The following SLC14A2 variants were observed in gnomAD, a reference collection of about 807,000 sequenced individuals.
The protein encoded by SLC14A2 is urea transporter 2.
Under a neutral mutation model 104.6 loss-of-function variants are expected in SLC14A2, and 91 were observed. That is an observed-to-expected ratio of 0.87 (90% confidence interval 0.73 to 1.04). The LOEUF (loss-of-function observed/expected upper bound fraction) is 1.04, where lower values mean the gene tolerates loss of function less well. Among genes scored for constraint, SLC14A2 ranks in the 50% least tolerant of loss-of-function variants. SLC14A2 has a pLI of 0.00. For missense variants in SLC14A2, 1,189 were observed against 1,156.0 expected (o/e 1.03, Z -0.41); for synonymous variants, 476 against 466.4 (o/e 1.02, Z -0.27).
intron 2 of SLC14A2, among the ~76,000 whole-genome samples, chr18:45,533,110 T>C (rs1412498257): frequency 5.9e-5 from 9 of 151,324 alleles, no homozygotes; most frequent in African/African-American, 9.7e-5. Context: ...CAGTATTTTA[T>C]TGAGGATTTT....
At chr18:45,187,030 A>G in the SLC14A2 span, among the ~76,000 whole-genome samples, 1 of 152,158 alleles carries the variant, frequency 6.6e-6, no homozygotes, top group African/African-American at 2.4e-5. Context: ...AAGCCATTAG[A>G]TGGTTTTCAG....
chr18:45,589,394 G>A (rs1192050842), intron 2 of SLC14A2, among the ~76,000 whole-genome samples: 1 of 152,030 alleles, frequency 6.6e-6, no homozygotes, highest in Non-Finnish European at 1.5e-5. Context: ...CACACACAAG[G>A]GCCCTTTGTT....
chr18:45,617,163 G>C (rs2045086590), intron 1 of SLC14A2, among the ~76,000 whole-genome samples: 1 of 152,154 alleles, frequency 6.6e-6, no homozygotes, highest in African/African-American at 2.4e-5. Context: ...CCAAACACAA[G>C]CTAAGGAGGA....
chr18:45,434,209 T>C (rs1476079568), intron 1 of SLC14A2, among the ~76,000 whole-genome samples: 1 of 152,086 alleles, frequency 6.6e-6, no homozygotes, highest in Non-Finnish European at 1.5e-5. Flanking sequence ...CACCATATTT[T>C]CCCTTCCTTT....
At chr18:45,384,434 T>C (rs1407242759) in intron 1 of SLC14A2, among the ~76,000 whole-genome samples, 1 of 152,238 alleles carries the variant, frequency 6.6e-6, no homozygotes, top group East Asian at 1.9e-4. Flanking sequence ...GGCTCTAAGA[T>C]TTTCTTTGTT....
chr18:45,572,444 G>A (rs1338820186), intron 2 of SLC14A2, among the ~76,000 whole-genome samples: 1 of 152,102 alleles, frequency 6.6e-6, no homozygotes, highest in Non-Finnish European at 1.5e-5. Flanking sequence ...TCTTTTCCAA[G>A]TTATCTTCCA....
chr18:45,548,672 C>T (rs2044009684), intron 2 of SLC14A2, among the ~76,000 whole-genome samples: 1 of 152,326 alleles, frequency 6.6e-6, no homozygotes, highest in South Asian at 2.1e-4. Flanking sequence ...CCACTGCACT[C>T]CAGCCTGGGC....
At chr18:45,324,075 C>A (rs970355724) in intron 1 of SLC14A2, among the ~76,000 whole-genome samples, 1 of 152,134 alleles carries the variant, frequency 6.6e-6, no homozygotes, top group African/African-American at 2.4e-5. Flanking sequence ...GGGGTATATG[C>A]CCATCTATTA....
intron 1 of SLC14A2, among the ~76,000 whole-genome samples, chr18:45,425,332 T>C (rs1013931950): frequency 1.3e-5 from 2 of 152,216 alleles, no homozygotes; most frequent in African/African-American, 4.8e-5. Flanking sequence ...TAACAACATT[T>C]GATGAGGGCA....
chr18:45,428,588 G>T (rs1568197994), intron 1 of SLC14A2, among the ~76,000 whole-genome samples: 1 of 152,096 alleles, frequency 6.6e-6, no homozygotes, highest in East Asian at 1.9e-4. Context: ...GCACCCCCAG[G>T]GCACATACCC....
At chr18:45,677,442 G>GC (rs1219440249) in intron 18 of SLC14A2, among the ~76,000 whole-genome samples, 1 of 152,128 alleles carries the variant, frequency 6.6e-6, no homozygotes, top group African/African-American at 2.4e-5. Flanking sequence ...CTGATTAAGA[G>GC]CCCACTCCCA....
chr18:45,421,328 C>T (rs1370040651), intron 1 of SLC14A2, among the ~76,000 whole-genome samples: 1 of 150,928 alleles, frequency 6.6e-6, no homozygotes, highest in Non-Finnish European at 1.5e-5. Context: ...TTTGTCAAAT[C>T]AACAACCCTC....
At chr18:45,422,913 G>A (rs1050389527) in intron 1 of SLC14A2, among the ~76,000 whole-genome samples, 9 of 152,062 alleles carry the variant, frequency 5.9e-5, no homozygotes, top group South Asian at 2.1e-4. Context: ...GGCTTAGCCC[G>A]GCTCCCTCAG....
At chr18:45,347,012 C>G (rs73429975) in intron 1 of SLC14A2, among the ~76,000 whole-genome samples, 2 of 123,388 alleles carry the variant, frequency 1.6e-5, no homozygotes, top group South Asian at 5.3e-4. Flanking sequence ...AATAAATAAA[C>G]AAACAAACAA....
rs560105461 is a variant in SLC14A2 at position 45,318,786 on chromosome 18, T to TA, written c.-125+105611dup. Among the ~76,000 whole-genome samples, 663 of 135,922 alleles carry TA rather than the reference T, an allele frequency of 4.9e-3. 6 individuals carry two copies. Among genetic ancestry groups the TA allele is most frequent in the African/African-American group, 0.014 (499 of 36,784 alleles). 89.2% of individuals were successfully genotyped at this position (135,922 alleles called of 152,430 possible). A position where few individuals can be genotyped will look rare whatever the true frequency, so the allele number is the denominator to read the frequency against. ...TGGGCAACAAGAGCAAAACTCTGTC[T>TA]AAAAAAAAAAAAAAAATTCGCAGGT... On this transcript the variant is annotated intron_variant, in intron 1 of 20. Transcript: ENST00000586448.
chr18:45,415,733 G>C (rs1598777922), intron 1 of SLC14A2, among the ~76,000 whole-genome samples: 1 of 152,060 alleles, frequency 6.6e-6, no homozygotes, highest in South Asian at 2.1e-4. Flanking sequence ...ATTTCTAATG[G>C]GGCTGAGTGG....
At chr18:45,497,278 CATTCAACAGTTA>C (rs2144748580) in intron 2 of SLC14A2, among the ~76,000 whole-genome samples, 1 of 152,316 alleles carries the variant, frequency 6.6e-6, no homozygotes, top group East Asian at 1.9e-4. Flanking sequence ...TAGCCACAGT[CATTCAACAGTTA>C]ATTCAACAAC....
chr18:45,675,719 T>A (rs1368182482), intron 18 of SLC14A2, among the ~76,000 whole-genome samples: 16 of 119,022 alleles, frequency 1.3e-4, no homozygotes, highest in Middle Eastern at 4.0e-3. Context: ...ATTTTTTTTT[T>A]TTTTTTTTTT....
At chr18:45,337,313 G>A (rs533863137) in intron 1 of SLC14A2, among the ~76,000 whole-genome samples, 1 of 152,300 alleles carries the variant, frequency 6.6e-6, no homozygotes, top group African/African-American at 2.4e-5. Context: ...GATACTGGTT[G>A]CCTCAGAAGT....
Sources: gnomAD v4.1 joint callset for allele counts (sites outside exome capture counted in the v4.1 genomes callset) on GRCh38, gnomAD v4.1.1 for gene constraint, MANE v1.5 for transcripts, NCBI Gene and HGNC (gene_info 2026-07-23, HGNC 2026-07-21) for gene names.